Variants in PNKD observed in about 807,000 individuals in gnomAD.
The protein encoded by PNKD is probable thioesterase PNKD.
PNKD carries 36 observed loss-of-function variants against 45.3 expected under a neutral mutation model. That is an observed-to-expected ratio of 0.80 (90% CI 0.61 to 1.05). PNKD has a LOEUF of 1.05. Among genes scored for constraint, PNKD ranks in the 50% least tolerant of loss-of-function variants. PNKD has a pLI of 0.00. For missense variants in PNKD, 511 were observed against 506.6 expected (o/e 1.01, Z -0.08); for synonymous variants, 197 against 210.1 (o/e 0.94, Z 0.54).
At chr2:218,343,724 G>A in intron 8 of PNKD, 138 bp downstream of exon 8, 1 of 695,892 alleles carries the variant, frequency 1.4e-6, no homozygotes, top group Non-Finnish European at 2.6e-6. Flanking sequence ...CACCTCTAGG[G>A]GTAGGGACAG....
chr2:218,330,774 AC>A (rs1241670288), intron 2 of PNKD, among the ~76,000 whole-genome samples: 2 of 152,160 alleles, frequency 1.3e-5, no homozygotes, highest in Non-Finnish European at 2.9e-5. Flanking sequence ...TTTAACCAGC[AC>A]CCCCAGATCA....
At chr2:218,304,498 G>A (rs928876478) in intron 2 of PNKD, among the ~76,000 whole-genome samples, 3 of 152,148 alleles carry the variant, frequency 2.0e-5, no homozygotes, top group African/African-American at 4.8e-5. Context: ...CAGGGGTGGC[G>A]ACAGTGTCAC....
At chr2:218,310,309 G>A (rs986778740) in intron 2 of PNKD, among the ~76,000 whole-genome samples, 9 of 151,676 alleles carry the variant, frequency 5.9e-5, no homozygotes, top group Non-Finnish European at 8.8e-5. Context: ...TGCAACCTCC[G>A]CCTCCCGGAT....
chr2:218,330,776 C>A (rs1222574064), intron 2 of PNKD, among the ~76,000 whole-genome samples: 4 of 152,196 alleles, frequency 2.6e-5, no homozygotes, highest in Non-Finnish European at 5.9e-5. Context: ...TAACCAGCAC[C>A]CCCAGATCAT....
chr2:218,279,020 A>G, intron 2 of PNKD: 2 of 1,613,896 alleles, frequency 1.2e-6, no homozygotes, highest in East Asian at 2.2e-5. Context: ...GCCCAACCAC[A>G]GAGGAGCACA....
chr2:218,321,295 G>A (rs902060523), intron 2 of PNKD, among the ~76,000 whole-genome samples: 4 of 152,096 alleles, frequency 2.6e-5, no homozygotes, highest in Admixed American at 1.3e-4. Flanking sequence ...ACACAGACAC[G>A]GAGATGCAAA....
rs909818360 is a variant in PNKD at position 218,323,199 on chromosome 2, G to C, written c.237-16584G>C. On this transcript the variant is annotated intron_variant, in intron 2 of 9. Transcript: ENST00000273077. Reference sequence around the variant, plus strand: ...AGAGCCGGCAGGCAGGTTCCCCGCGGGGGGCCGGGGCCGGGCCGTTGCCTA... The same window carrying C: ...AGAGCCGGCAGGCAGGTTCCCCGCGCGGGGCCGGGGCCGGGCCGTTGCCTA... The C allele has an allele frequency of 4.3e-6, 6 of 1,390,488 alleles. No homozygotes were observed. The African/African-American group carries it at 7.7e-5, about 18-fold the overall frequency. 86.1% of individuals were successfully genotyped at this position (1,390,488 alleles called of 1,614,324 possible). A position where few individuals can be genotyped will look rare whatever the true frequency, so the allele number is the denominator to read the frequency against.
At chr2:218,272,244 A>T (rs773246072) in intron 2 of PNKD, among the ~76,000 whole-genome samples, 8 of 150,596 alleles carry the variant, frequency 5.3e-5, no homozygotes, top group Admixed American at 2.0e-4. Flanking sequence ...AATCCTGCAC[A>T]GGTGCTGTTG....
chr2:218,303,555 C>T (rs1327385321), intron 2 of PNKD, among the ~76,000 whole-genome samples: 2 of 151,188 alleles, frequency 1.3e-5, no homozygotes, highest in Non-Finnish European at 2.9e-5. Flanking sequence ...CCCACGACCC[C>T]CATCCCAGAC....
intron 2 of PNKD, among the ~76,000 whole-genome samples, chr2:218,289,480 A>G (rs1036324161): frequency 6.6e-6 from 1 of 152,020 alleles, no homozygotes; most frequent in Non-Finnish European, 1.5e-5. Context: ...CGTCTCTACT[A>G]AAAATACAAA....
intron 2 of PNKD, chr2:218,279,150 C>T: frequency 1.9e-6 from 3 of 1,606,630 alleles, no homozygotes; most frequent in Non-Finnish European, 1.7e-6. Flanking sequence ...CCACCCAGGC[C>T]AGCCAGGCAG....
At chr2:218,342,693 C>T (rs1309276504) in intron 7 of PNKD, among the ~76,000 whole-genome samples, 1 of 151,946 alleles carries the variant, frequency 6.6e-6, no homozygotes, top group Non-Finnish European at 1.5e-5. Flanking sequence ...GAGTGAGACT[C>T]TGTCACAAAA....
intron 2 of PNKD, among the ~76,000 whole-genome samples, chr2:218,315,475 G>A (rs1466595216): frequency 6.6e-6 from 1 of 152,156 alleles, no homozygotes; most frequent in East Asian, 1.9e-4. Flanking sequence ...AAATTTTAAA[G>A]TAACTAAAAC....
Position 218,344,623 on chromosome 2 carries a change from C to T in PNKD, c.984+53C>T, listed in dbSNP as rs568824215. On this transcript the variant is annotated intron_variant, in intron 9 of 9. Coordinates refer to ENST00000273077, the MANE Select transcript of PNKD (RefSeq NM_015488.5). ...TGTGTGGGCAGGCACTCAGCCCCAA[C>T]GGGAACCCATCCATGCTGACCCCAG... The T allele has an allele frequency of 1.2e-3, 1,740 of 1,503,852 alleles. 7 individuals carry two copies. The highest frequency in any genetic ancestry group is 0.01 in the African/African-American group (757 of 72,770). 93.2% of individuals were successfully genotyped at this position (1,503,852 alleles called of 1,614,324 possible). A position where few individuals can be genotyped will look rare whatever the true frequency, so the allele number is the denominator to read the frequency against.
At position 218,271,414 on chromosome 2, in the gene PNKD, C is replaced by G. The variant is rs146016925; in HGVS notation, c.101C>G (p.Ser34Cys). The G allele has an allele frequency of 3.1e-6, 5 of 1,614,116 alleles. No homozygotes were observed. The highest frequency in any genetic ancestry group is 4.2e-6 in the Non-Finnish European group (5 of 1,179,978). The stretch of plus-strand genomic sequence containing the variant: ...GCAGGAGCCACAGCTAACAAGGCTT[C>G]TCATAACAGGACCCGGGCCCTGCAA... ...ILAGATANKA[S>C]HNRTRALQSH... Residue 34 changes from serine (S) to cysteine (C), a missense_variant, in exon 2 of 10, where the codon TCT becomes TGT. Coordinates refer to ENST00000273077, the MANE Select transcript of PNKD (RefSeq NM_015488.5).
chr2:218,293,886 T>C (rs1481023054), intron 2 of PNKD, among the ~76,000 whole-genome samples: 1 of 143,506 alleles, frequency 7.0e-6, no homozygotes, highest in African/African-American at 2.6e-5. Flanking sequence ...GTGCTAGGAT[T>C]ACAGACATGA....
In PNKD at chr2:218,333,198, C is replaced by T. The variant is rs959029635; in HGVS notation, c.237-6585C>T. Among the ~76,000 whole-genome samples, 3 of 152,204 alleles carry T rather than the reference C, an allele frequency of 2.0e-5. No homozygotes were observed. In the South Asian group the frequency reaches 6.2e-4, roughly 31 times the overall value. ...CCCTTTCCCCACATTACAAGCTCCCCGAAAGCAGGACCCCTTCTGCCTTGT... is the reference window on the plus strand; with the variant it reads ...CCCTTTCCCCACATTACAAGCTCCCTGAAAGCAGGACCCCTTCTGCCTTGT... On this transcript the variant is annotated intron_variant, in intron 2 of 9. Transcript: ENST00000273077.
chr2:218,287,680 A>C (rs1387572697), intron 2 of PNKD, among the ~76,000 whole-genome samples: 1 of 152,090 alleles, frequency 6.6e-6, no homozygotes, highest in South Asian at 2.1e-4. Context: ...ATTGCACTCC[A>C]GCCTGGGCAA....
intron 2 of PNKD, among the ~76,000 whole-genome samples, chr2:218,304,562 CT>C (rs1693361017): frequency 6.6e-6 from 1 of 152,208 alleles, no homozygotes. Flanking sequence ...AGCACTAAAA[CT>C]TAACTTCTCT....
Sources: allele counts gnomAD v4.1 joint callset (sites outside exome capture counted in the v4.1 genomes callset), GRCh38; gene constraint gnomAD v4.1.1; transcripts MANE v1.5; gene names NCBI Gene and HGNC (gene_info 2026-07-23, HGNC 2026-07-21).